EXOSC3: variants seen among roughly 807,000 people sequenced by gnomAD.
The protein encoded by EXOSC3 is exosome component 3.
EXOSC3 carries 18 observed loss-of-function variants against 25.1 expected under a neutral mutation model. The ratio of observed to expected loss-of-function variants is 0.72; its 90% confidence interval spans 0.50 to 1.06. The LOEUF (loss-of-function observed/expected upper bound fraction) is 1.06, where lower values mean the gene tolerates loss of function less well. Ranked by LOEUF, EXOSC3 falls within the 50% of genes least tolerant of loss-of-function variation. EXOSC3 has a pLI of 0.00. For synonymous variants in EXOSC3, 165 were observed against 132.2 expected (o/e 1.25, Z -1.70); for missense variants, 382 against 350.9 (o/e 1.09, Z -0.71).
chr9:37,784,189 G>A (rs927785066), intron 1 of EXOSC3, 126 bp from the exon 2 acceptor site: 1 of 1,044,318 alleles, frequency 9.6e-7, no homozygotes, highest in Non-Finnish European at 1.3e-6. Context: ...TGCCACTTTC[G>A]GTAAAAGAAA....
At chr9:37,784,306 A>C (rs1589061049) in intron 1 of EXOSC3, 1 of 507,858 alleles carries the variant, frequency 2.0e-6, no homozygotes, top group African/African-American at 2.0e-5. Context: ...GCTTTGTGGC[A>C]TAAGTCCAGT....
At chr9:37,782,935 G>A (rs1357311115) in intron 2 of EXOSC3, among the ~76,000 whole-genome samples, 2 of 152,316 alleles carry the variant, frequency 1.3e-5, no homozygotes, top group Non-Finnish European at 2.9e-5. Context: ...GTGGCAACTA[G>A]AGATGGCTTT....
In EXOSC3 at chr9:37,784,054, C is replaced by T. The variant is rs766461372; in HGVS notation, c.334G>A (p.Val112Ile). ...VDSQQKRYVP[V>I]KGDHVIGIVT... ...ATGCCAATCACATGGTCTCCTTTTA[C>T]TGGAACATACTACAAAAAGAAACAG... Residue 112 changes from valine to isoleucine, a missense_variant, in exon 2 of 4, where the codon GTA becomes ATA. Transcript: ENST00000327304. The T allele has an allele frequency of 1.0e-5, 16 of 1,607,834 alleles. No individual in the cohort carries two copies. Among genetic ancestry groups the T allele is most frequent in the Non-Finnish European group, 1.4e-5 (16 of 1,178,048 alleles).
Position 37,780,778 on chromosome 9 carries a change from G to C in EXOSC3, c.729C>G (p.Thr243=), listed in dbSNP as rs1371940322. 3 of 1,613,804 alleles carry C rather than the reference G, an allele frequency of 1.9e-6. No homozygotes were observed. In the Admixed American group the frequency reaches 5.0e-5, roughly 27 times the overall value. Residue 243 remains threonine (T), a synonymous_variant, in exon 4 of 4, where the codon ACC becomes ACG. Coordinates refer to ENST00000327304, the MANE Select transcript of EXOSC3 (RefSeq NM_016042.4). ...MNGRIWVKAK[T]IQQTLILANI... The stretch of plus-strand genomic sequence containing the variant: ...TTGCCAAAATTAAAGTCTGCTGGAT[G>C]GTTTTTGCCTTAACCCATATTCTTC...
At chr9:37,782,351 C>T (rs989585257) in intron 2 of EXOSC3, among the ~76,000 whole-genome samples, 1 of 152,188 alleles carries the variant, frequency 6.6e-6, no homozygotes, top group Non-Finnish European at 1.5e-5. Context: ...AAATCACAGA[C>T]GAGGAGCCAT....
chr9:37,783,816 G>C lies in EXOSC3; in HGVS notation c.474+98C>G, dbSNP rs577734171. On this transcript the variant is annotated intron_variant, in intron 2 of 3. Coordinates refer to ENST00000327304, the MANE Select transcript of EXOSC3 (RefSeq NM_016042.4). ...AATTATATACAAGCTCAGAGATCTA[G>C]GTCATGCTTTGGAGACAATTCAGAT... is the stretch of plus-strand genomic sequence containing the variant. 8 of 1,347,858 alleles carry C rather than the reference G, an allele frequency of 5.9e-6. No individual in the cohort carries two copies. In the Admixed American group the frequency reaches 1.2e-4, roughly 20 times the overall value. 83.5% of individuals were successfully genotyped at this position (1,347,858 alleles called of 1,614,324 possible).
rs1828648749 is a variant in EXOSC3 at position 37,784,022 on chromosome 9, T to G, written c.366A>C (p.Thr122=). The part of the protein sequence containing the change: ...VKGDHVIGIV[T]AKSGDIFKVD... ...CTTTGAATATATCTCCAGATTTAGCTGTCACTATGCCAATCACATGGTCTC... is the reference window on the plus strand; with the variant it reads ...CTTTGAATATATCTCCAGATTTAGCGGTCACTATGCCAATCACATGGTCTC... The change falls in exon 2 of 4, where the codon ACA becomes ACC. Residue 122 remains threonine (T), a synonymous_variant. Transcript: ENST00000327304. 3 of 1,613,906 alleles carry G rather than the reference T, an allele frequency of 1.9e-6. No homozygotes were observed. Among genetic ancestry groups the G allele is most frequent in the Non-Finnish European group, 2.5e-6 (3 of 1,179,902 alleles).
chr9:37,782,289 G>C (rs993131940), intron 2 of EXOSC3, 152 bp from the exon 3 acceptor site: 1 of 732,538 alleles, frequency 1.4e-6, no homozygotes, highest in Non-Finnish European at 2.2e-6. Flanking sequence ...CTTTGGAGTT[G>C]AGTCTTGGGG....
Position 37,784,633 on chromosome 9 carries a change from T to G in EXOSC3, c.324+88A>C, listed in dbSNP as rs1016680806. ...AGGTTTGCCTGAACAAAAGAGGGCC[T>G]CAGGGTCCCTCTCTTCTTTTGGGAG... On this transcript the variant is annotated intron_variant, in intron 1 of 3. Transcript: ENST00000327304. The G allele has an allele frequency of 8.0e-6, 11 of 1,381,998 alleles. No homozygotes were observed. The African/African-American group carries it at 1.3e-4, about 16-fold the overall frequency. 85.6% of individuals were successfully genotyped at this position (1,381,998 alleles called of 1,614,324 possible). A position where few individuals can be genotyped will look rare whatever the true frequency, so the allele number is the denominator to read the frequency against.
chr9:37,784,941 A>G lies in EXOSC3; in HGVS notation c.104T>C (p.Leu35Pro). 1 of 1,612,034 alleles carries G rather than the reference A, an allele frequency of 6.2e-7. No individual in the cohort carries two copies. Among genetic ancestry groups the G allele is most frequent in the Non-Finnish European group, 8.5e-7 (1 of 1,179,304 alleles). ...TTCCGCGTCCTCCTGTTCCGGCAGG[A>G]GCAGCTCCTCACCCGGGAGCACCAC... is the stretch of plus-strand genomic sequence containing the variant. ...GQVVLPGEEL[L>P]LPEQEDAEGP... Residue 35 changes from leucine (L) to proline (P), a missense_variant, in exon 1 of 4, where the codon CTC (leucine) becomes CCC (proline). Transcript: ENST00000327304.
At position 37,784,844 on chromosome 9, in the gene EXOSC3, G is replaced by C. The variant is rs1004124500; in HGVS notation, c.201C>G (p.Cys67Trp). ...CCCCACAGCGCCGAAGGCCCGGACC[G>C]CATACAACGCGCACCCGCGAGCACG... ...ARACSRVRVV[C>W]GPGLRRCGDR... is the part of the protein sequence containing the mutation. The change falls in exon 1 of 4, where the codon TGC (cysteine) becomes TGG (tryptophan). Residue 67 changes from cysteine to tryptophan, a missense_variant. By Grantham distance (215) the Cys-to-Trp change is radical. Coordinates refer to ENST00000327304, the MANE Select transcript of EXOSC3 (RefSeq NM_016042.4). The C allele has an allele frequency of 6.2e-7, 1 of 1,608,036 alleles. No homozygotes were observed. The highest frequency in any genetic ancestry group is 8.5e-7 in the Non-Finnish European group (1 of 1,177,536).
At chr9:37,781,042 T>C (rs1828584022) in intron 3 of EXOSC3, among the ~76,000 whole-genome samples, 162 bp from the exon 4 acceptor site, 1 of 152,124 alleles carries the variant, frequency 6.6e-6, no homozygotes, top group Admixed American at 6.5e-5. Context: ...AAGAAGGAAC[T>C]TTACACTGTT....
In EXOSC3 at chr9:37,784,780, T is replaced by A. The variant is rs1369223693; in HGVS notation, c.265A>T (p.Lys89Ter). Reference protein sequence around the residue: ...LVTKCGRLRHKEPGSGSGGGV... With the variant: ...LVTKCGRLRH The stretch of plus-strand genomic sequence containing the variant: ...CCGCCGCTGCCACTGCCGGGCTCCT[T>A]GTGACGGAGGCGGCCGCACTTGGTG... The change falls in exon 1 of 4, where the codon AAG becomes TAG. Residue 89 changes from lysine (K) to a stop codon, truncating the protein, a stop_gained. Coordinates refer to ENST00000327304, the MANE Select transcript of EXOSC3 (RefSeq NM_016042.4). LOFTEE classifies it high-confidence loss of function. 2 of 1,607,586 alleles carry A rather than the reference T, an allele frequency of 1.2e-6. No homozygotes were observed. Among genetic ancestry groups the A allele is most frequent in the East Asian group, 4.5e-5 (2 of 44,818 alleles).
At chr9:37,784,694 C>A in intron 1 of EXOSC3, 27 bp downstream of exon 1, 1 of 1,566,422 alleles carries the variant, frequency 6.4e-7, no homozygotes, top group Non-Finnish European at 8.6e-7. Flanking sequence ...CTCACTGCCG[C>A]ACCACCCCTC....
Position 37,783,915 on chromosome 9 carries a change from T to C in EXOSC3, c.473A>G (p.Gln158Arg). Residue 158 changes from glutamine (Q) to arginine (R), a missense_variant and splice_region_variant, in exon 2 of 4, where the codon CAG becomes CGG. Gln to Arg is a conservative substitution (Grantham distance 43, BLOSUM62 1). Transcript: ENST00000327304. ...GAAACCAAAGGCTCCCGTAATTACC[T>C]GCACATTTGGTCTGTTTCTTTTAGT... Reference protein sequence around the residue: ...GATKRNRPNVQVGDLIYGQFV... With the variant: ...GATKRNRPNVRVGDLIYGQFV... 6.2e-7 allele frequency: 1 copy of C among 1,610,480 alleles called. No homozygotes were observed. The highest frequency in any genetic ancestry group is 8.5e-7 in the Non-Finnish European group (1 of 1,179,432).
chr9:37,784,071 AAGAAAC>A lies in EXOSC3; in HGVS notation c.325-14_325-9del. On this transcript the variant is annotated splice_polypyrimidine_tract_variant and intron_variant, in intron 1 of 3. Coordinates refer to ENST00000327304, the MANE Select transcript of EXOSC3 (RefSeq NM_016042.4). ...TCCTTTTACTGGAACATACTACAAA[AAGAAAC>A]AGAATGAAAAAACAGCCATAAATGA... is the stretch of plus-strand genomic sequence containing the variant. The A allele has an allele frequency of 6.2e-7, 1 of 1,601,662 alleles. No homozygotes were observed. The highest frequency in any genetic ancestry group is 8.5e-7 in the Non-Finnish European group (1 of 1,175,296).
Position 37,784,026 on chromosome 9 carries a change from A to T in EXOSC3, c.362T>A (p.Val121Glu), listed in dbSNP as rs1828648939. The T allele has an allele frequency of 1.2e-6, 2 of 1,613,806 alleles. No individual in the cohort carries two copies. Among genetic ancestry groups the T allele is most frequent in the Non-Finnish European group, 1.7e-6 (2 of 1,179,878 alleles). Residue 121 changes from valine to glutamate, a missense_variant, in exon 2 of 4, where the codon GTG (valine) becomes GAG (glutamate). Val to Glu is a moderately radical substitution (Grantham distance 121, BLOSUM62 -2). Coordinates refer to ENST00000327304, the MANE Select transcript of EXOSC3 (RefSeq NM_016042.4). Reference sequence around the variant, plus strand: ...GAATATATCTCCAGATTTAGCTGTCACTATGCCAATCACATGGTCTCCTTT... The same window carrying T: ...GAATATATCTCCAGATTTAGCTGTCTCTATGCCAATCACATGGTCTCCTTT... ...PVKGDHVIGI[V>E]TAKSGDIFKV...
upstream of EXOSC3, chr9:37,785,081 T>TTCCGCTTCCGC (rs1222886704): frequency 1.4e-5 from 21 of 1,551,764 alleles, no homozygotes; most frequent in Non-Finnish European, 1.8e-5. Context: ...GGTACCCGCC[T>TTCCGCTTCCGC]TCCGCTTCCG....
At chr9:37,781,828 T>C in intron 3 of EXOSC3, 158 bp downstream of exon 3, 2 of 772,768 alleles carry the variant, frequency 2.6e-6, no homozygotes, top group Non-Finnish European at 4.0e-6. Flanking sequence ...AAGATAGGAT[T>C]AAATTCATGA....
Sources: gnomAD v4.1 joint callset for allele counts (sites outside exome capture counted in the v4.1 genomes callset) on GRCh38, gnomAD v4.1.1 for gene constraint, MANE v1.5 for transcripts, NCBI Gene and HGNC (gene_info 2026-07-23, HGNC 2026-07-21) for gene names.